SEMA5A: variants seen among roughly 807,000 people sequenced by gnomAD.
SEMA5A encodes the protein semaphorin 5A, also known as semaphorin-5A.
A neutral mutation model predicts 135.5 loss-of-function variants in SEMA5A; 55 were observed. The ratio of observed to expected loss-of-function variants is 0.41; its 90% CI spans 0.33 to 0.51. SEMA5A has a LOEUF of 0.51. SEMA5A is among the 20% of genes least tolerant of loss of function. The pLI is 0.37. For synonymous variants in SEMA5A, 580 were observed against 546.5 expected (o/e 1.06, Z -0.85); for missense variants, 1,290 against 1,419.9 (o/e 0.91, Z 1.47).
intron 5 of SEMA5A, among the ~76,000 whole-genome samples, chr5:9,280,603 C>A (rs1750493171): frequency 6.6e-6 from 1 of 152,200 alleles, no homozygotes; most frequent in Admixed American, 6.5e-5. Flanking sequence ...ATTTGAAGTC[C>A]AGTTTCCTAC....
intron 11 of SEMA5A, among the ~76,000 whole-genome samples, chr5:9,164,013 AT>A (rs1179182044): frequency 2.6e-4 from 37 of 143,846 alleles, no homozygotes; most frequent in African/African-American, 8.9e-4. Flanking sequence ...TATAATATAT[AT>A]TTATAATATA....
At chr5:9,158,866 C>T (rs578149527) in intron 11 of SEMA5A, among the ~76,000 whole-genome samples, 2 of 152,290 alleles carry the variant, frequency 1.3e-5, no homozygotes, top group South Asian at 2.1e-4. Flanking sequence ...AAATATTATA[C>T]TTCACTACAT....
chr5:9,391,607 GTCACTACT>G (rs1420126825), intron 2 of SEMA5A, among the ~76,000 whole-genome samples: 2 of 152,010 alleles, frequency 1.3e-5, no homozygotes, highest in African/African-American at 4.8e-5. Flanking sequence ...AGCAAATCCC[GTCACTACT>G]TCCTCAAAAA....
intron 12 of SEMA5A, among the ~76,000 whole-genome samples, chr5:9,138,852 C>A (rs763236453): frequency 2.6e-5 from 4 of 152,162 alleles, no homozygotes; most frequent in East Asian, 1.9e-4. Context: ...TGAGAACATG[C>A]GACGTTTGCT....
intron 11 of SEMA5A, among the ~76,000 whole-genome samples, chr5:9,170,952 A>G (rs1371458733): frequency 6.6e-6 from 1 of 152,050 alleles, no homozygotes; most frequent in Non-Finnish European, 1.5e-5. Context: ...TCGCCCCCAG[A>G]CCTACATATT....
At chr5:9,473,095 A>C (rs1226759432) in intron 1 of SEMA5A, among the ~76,000 whole-genome samples, 1 of 143,590 alleles carries the variant, frequency 7.0e-6, no homozygotes, top group African/African-American at 2.6e-5. Context: ...GTACCCTAAA[A>C]CTTAAAGTAT....
intron 16 of SEMA5A, among the ~76,000 whole-genome samples, chr5:9,093,348 C>G (rs189180863): frequency 6.6e-5 from 10 of 152,214 alleles, no homozygotes; most frequent in African/African-American, 2.2e-4. Context: ...TAACAGAGTT[C>G]TACTGTGTAA....
intron 12 of SEMA5A, among the ~76,000 whole-genome samples, chr5:9,152,909 T>C (rs1173511294): frequency 6.6e-6 from 1 of 152,068 alleles, no homozygotes; most frequent in East Asian, 1.9e-4. Flanking sequence ...CTGTCTCTAC[T>C]AAAAATACAA....
chr5:9,409,301 C>G (rs1757016748), intron 2 of SEMA5A, among the ~76,000 whole-genome samples: 1 of 152,208 alleles, frequency 6.6e-6, no homozygotes, highest in South Asian at 2.1e-4. Flanking sequence ...TCTTCAGAGT[C>G]TAATATCGCA....
At chr5:9,153,540 C>A (rs1487816357) in intron 12 of SEMA5A, among the ~76,000 whole-genome samples, 1 of 152,062 alleles carries the variant, frequency 6.6e-6, no homozygotes, top group Non-Finnish European at 1.5e-5. Flanking sequence ...GACCTCCCTC[C>A]CTACCCTCTC....
In SEMA5A at chr5:9,051,897, C is replaced by T; in HGVS notation, c.2821G>A (p.Val941Met). Residue 941 changes from valine (V) to methionine (M), a missense_variant, in exon 20 of 23, where the codon GTG (valine) becomes ATG (methionine). Transcript: ENST00000382496. ...SGNTTESRPCVFDSNFIPEVS... is the reference protein window; with the variant it reads ...SGNTTESRPCMFDSNFIPEVS... ...CCTGGGATGAAATTAGAGTCAAACACACACGGCCGGCTCTCCGTGGTGTTC... is the reference window on the plus strand; with the variant it reads ...CCTGGGATGAAATTAGAGTCAAACATACACGGCCGGCTCTCCGTGGTGTTC... 1 of 1,614,172 alleles carries T rather than the reference C, an allele frequency of 6.2e-7. No homozygotes were observed. Among genetic ancestry groups the T allele is most frequent in the Non-Finnish European group, 8.5e-7 (1 of 1,180,028 alleles).
intron 8 of SEMA5A, among the ~76,000 whole-genome samples, chr5:9,219,545 C>T (rs1373746370): frequency 6.6e-6 from 1 of 152,110 alleles, no homozygotes; most frequent in Admixed American, 6.5e-5. Context: ...TCCAATATGA[C>T]TGCTGTCCTT....
chr5:9,050,382 T>C, intron 21 of SEMA5A, 28 bp downstream of exon 21: 2 of 1,591,340 alleles, frequency 1.3e-6, no homozygotes, highest in Non-Finnish European at 1.7e-6. Flanking sequence ...AGTACATCCA[T>C]TACAACTACT....
chr5:9,135,854 T>C (rs552601938), intron 13 of SEMA5A, among the ~76,000 whole-genome samples: 2 of 151,788 alleles, frequency 1.3e-5, no homozygotes, highest in Admixed American at 6.6e-5. Context: ...AAGCAAAAAA[T>C]ATTCTAAGTA....
chr5:9,404,253 A>G (rs570028189), intron 2 of SEMA5A, among the ~76,000 whole-genome samples: 2 of 152,124 alleles, frequency 1.3e-5, no homozygotes, highest in South Asian at 4.2e-4. Context: ...GTTTTAAAAG[A>G]ATTACATATG....
At chr5:9,288,813 C>T (rs1253864468) in intron 5 of SEMA5A, among the ~76,000 whole-genome samples, 2 of 152,078 alleles carry the variant, frequency 1.3e-5, no homozygotes, top group Non-Finnish European at 2.9e-5. Context: ...AGCTAATGTA[C>T]AAGTTGTAAA....
intron 1 of SEMA5A, among the ~76,000 whole-genome samples, chr5:9,454,729 T>G (rs1758767617): frequency 6.6e-6 from 1 of 152,228 alleles, no homozygotes; most frequent in African/African-American, 2.4e-5. Context: ...TCTAGCAATG[T>G]TTTCCTCTGT....
intron 13 of SEMA5A, among the ~76,000 whole-genome samples, chr5:9,126,064 C>T (rs1388429745): frequency 6.6e-6 from 1 of 152,144 alleles, no homozygotes; most frequent in East Asian, 1.9e-4. Context: ...TGGAGCCAGC[C>T]TCAAGCAATA....
chr5:9,346,268 T>C (rs941756487), intron 3 of SEMA5A, among the ~76,000 whole-genome samples: 2 of 152,112 alleles, frequency 1.3e-5, no homozygotes, highest in African/African-American at 4.8e-5. Flanking sequence ...CAGGGGAAGA[T>C]AACCTTCCTG....
Sources: gnomAD v4.1 joint callset for allele counts (sites outside exome capture counted in the v4.1 genomes callset) on GRCh38, gnomAD v4.1.1 for gene constraint, MANE v1.5 for transcripts, NCBI Gene and HGNC (gene_info 2026-07-23, HGNC 2026-07-21) for gene names.